The following DMD variants were observed in gnomAD, a reference collection of about 807,000 sequenced individuals.
The protein encoded by DMD is dystrophin, also known as mutant dystrophin.
In DMD, 63 loss-of-function variants were observed where a neutral mutation model predicts 330.1. The ratio of observed to expected loss-of-function variants is 0.19; its 90% confidence interval spans 0.16 to 0.24. DMD has a LOEUF of 0.24. Among genes scored for constraint, DMD ranks in the 10% least tolerant of loss-of-function variants. The probability of loss-of-function intolerance (pLI) is 1.00; values close to 1 mark genes in which losing one functional copy is unlikely to be tolerated. For missense variants in DMD, 3,344 were observed against 2,684.1 expected (o/e 1.25, Z -5.43); for synonymous variants, 1,223 against 959.8 (o/e 1.27, Z -5.07).
chrX:33,092,864 ATTTAT>A (rs1370030606), intron 1 of DMD, among the ~76,000 whole-genome samples: 16 of 109,613 alleles, frequency 1.5e-4, no homozygotes, highest in African/African-American at 5.0e-4. Flanking sequence ...TTTTTTATTT[ATTTAT>A]TTTATTTTAT....
intron 1 of DMD, among the ~76,000 whole-genome samples, chrX:33,253,931 A>G (rs1040661054): frequency 2.3e-4 from 26 of 111,090 alleles, no homozygotes; most frequent in African/African-American, 7.8e-4. Context: ...AATATTTTAA[A>G]ATAGTTTCCA....
At chrX:32,727,035 G>C (rs895441078) in intron 7 of DMD, among the ~76,000 whole-genome samples, 16 of 110,700 alleles carry the variant, frequency 1.4e-4, no homozygotes. Flanking sequence ...GGTTCCTCTA[G>C]GTTGAAGTAA....
In DMD at chrX:33,025,579, G is replaced by T. The variant is rs755706787; in HGVS notation, c.32-5379C>A. Among the ~76,000 whole-genome samples the T allele has an allele frequency of 7.7e-4, 86 of 111,618 alleles. 1 individual carries two copies. Among genetic ancestry groups the T allele is most frequent in the African/African-American group, 2.5e-3 (78 of 30,748 alleles). ...GAAAATAAAATTTTTTTGACACAAG[G>T]TCTCGCTCTGTTCCCCAGGCTGGAG... On this transcript the variant is annotated intron_variant, in intron 1 of 78. Transcript: ENST00000357033.
intron 1 of DMD, among the ~76,000 whole-genome samples, chrX:33,167,807 A>T (rs142729428): frequency 0.025 from 2,767 of 111,091 alleles, 38 homozygotes; most frequent in Non-Finnish European, 0.039. Flanking sequence ...CCCATTTACC[A>T]CTTATGAATG....
intron 25 of DMD, among the ~76,000 whole-genome samples, chrX:32,456,958 T>TAAA (rs59677275): frequency 1.5e-3 from 120 of 80,051 alleles, no homozygotes; most frequent in Non-Finnish European, 2.2e-3. Context: ...TCCAGATTGT[T>TAAA]AAAAAAAAAA....
intron 11 of DMD, among the ~76,000 whole-genome samples, chrX:32,639,924 G>A (rs1458869369): frequency 9.0e-6 from 1 of 110,501 alleles, no homozygotes; most frequent in Non-Finnish European, 1.9e-5. Context: ...TGAGGGTCAG[G>A]TTTGGTAGCT....
intron 44 of DMD, among the ~76,000 whole-genome samples, chrX:32,121,448 C>T: frequency 9.4e-6 from 1 of 106,328 alleles, no homozygotes; most frequent in Non-Finnish European, 1.9e-5. Flanking sequence ...TGGCCCCTGA[C>T]CTCCTGAAAT....
At chrX:32,625,448 A>T (rs979762920) in intron 11 of DMD, among the ~76,000 whole-genome samples, 3 of 111,942 alleles carry the variant, frequency 2.7e-5, no homozygotes, top group Admixed American at 9.5e-5. Flanking sequence ...ACAGATAATT[A>T]GATTACCAAT....
At chrX:31,581,569 G>C (rs1360702158) in intron 55 of DMD, among the ~76,000 whole-genome samples, 2 of 111,475 alleles carry the variant, frequency 1.8e-5, no homozygotes, top group African/African-American at 3.3e-5. Context: ...AGGTACAGTG[G>C]AATATTAATA....
chrX:32,855,095 T>G (rs762550833), intron 2 of DMD, among the ~76,000 whole-genome samples: 5 of 112,026 alleles, frequency 4.5e-5, no homozygotes, highest in African/African-American at 1.6e-4. Context: ...TTTCAATAGA[T>G]GCTGAAAAAG....
At chrX:32,544,192 G>A (rs957669763) in intron 17 of DMD, among the ~76,000 whole-genome samples, 1 of 111,264 alleles carries the variant, frequency 9.0e-6, no homozygotes, top group Admixed American at 9.6e-5. Flanking sequence ...GATTTACTTT[G>A]GAATTATCAA....
chrX:32,440,268 G>C lies in DMD; in HGVS notation c.3921+912C>G, dbSNP rs181797234. ...ACAAATTTATAGTCATAGTCAGATAGAGCCAAAATTAAAGTCCACTGGAGA... is the reference window on the plus strand; with the variant it reads ...ACAAATTTATAGTCATAGTCAGATACAGCCAAAATTAAAGTCCACTGGAGA... On this transcript the variant is annotated intron_variant, in intron 28 of 78. Transcript: ENST00000357033. 2.7e-5 allele frequency among the ~76,000 whole-genome samples: 3 copies of C among 111,666 alleles called. No homozygotes were observed. In the East Asian group the frequency reaches 8.5e-4, roughly 32 times the overall value.
chrX:32,559,210 C>A (rs1053065190), intron 16 of DMD, among the ~76,000 whole-genome samples: 2 of 109,946 alleles, frequency 1.8e-5, no homozygotes, highest in Admixed American at 1.9e-4. Flanking sequence ...GCCTTGTCCT[C>A]CCAAAGTACT....
chrX:31,366,694 C>A (rs1306912960), intron 60 of DMD, among the ~76,000 whole-genome samples: 1 of 108,438 alleles, frequency 9.2e-6, no homozygotes, highest in Non-Finnish European at 1.9e-5. Flanking sequence ...ACTACACACT[C>A]ATTCTTTTTA....
intron 61 of DMD, among the ~76,000 whole-genome samples, chrX:31,335,221 T>G (rs2057352001): frequency 8.9e-6 from 1 of 112,541 alleles, no homozygotes; most frequent in African/African-American, 3.2e-5. Flanking sequence ...AGACATTTGT[T>G]GAGTAACAAA....
intron 44 of DMD, among the ~76,000 whole-genome samples, chrX:32,170,121 G>A (rs985135706): frequency 9.1e-6 from 1 of 110,136 alleles, no homozygotes; most frequent in African/African-American, 3.3e-5. Flanking sequence ...TGTGCATGCT[G>A]TAACTCCACC....
chrX:32,710,628 G>A (rs758805159), intron 7 of DMD, among the ~76,000 whole-genome samples: 2 of 110,679 alleles, frequency 1.8e-5, no homozygotes, highest in South Asian at 7.6e-4. Context: ...AAATAGCACC[G>A]TGCTTTACAA....
intron 74 of DMD, among the ~76,000 whole-genome samples, chrX:31,149,346 C>T (rs1034725285): frequency 3.6e-5 from 4 of 112,244 alleles, no homozygotes; most frequent in Non-Finnish European, 7.5e-5. Context: ...GTAGATCCCA[C>T]ACTCCAGCTT....
intron 21 of DMD, among the ~76,000 whole-genome samples, chrX:32,477,855 C>T (rs1208753936): frequency 9.0e-6 from 1 of 111,118 alleles, no homozygotes; most frequent in Non-Finnish European, 1.9e-5. Flanking sequence ...AACTGGCTAC[C>T]CGTCCGTTAA....
Sources: allele counts gnomAD v4.1 joint callset (sites outside exome capture counted in the v4.1 genomes callset), GRCh38; gene constraint gnomAD v4.1.1; transcripts MANE v1.5; gene names NCBI Gene and HGNC (gene_info 2026-07-23, HGNC 2026-07-21).